MARCHF6: variants seen among roughly 807,000 people sequenced by gnomAD.
MARCHF6 encodes membrane associated ring-CH-type finger 6, also known as E3 ubiquitin-protein ligase MARCHF6.
MARCHF6 carries 31 observed loss-of-function variants against 133.7 expected under a neutral mutation model. That is an observed-to-expected ratio of 0.23 (90% CI 0.17 to 0.31). The LOEUF (loss-of-function observed/expected upper bound fraction) is 0.31, where lower values mean the gene tolerates loss of function less well. Among genes scored for constraint, MARCHF6 ranks in the 10% least tolerant of loss-of-function variants. The pLI is 1.00. For missense variants in MARCHF6, 723 were observed against 1,121.6 expected, an observed-to-expected ratio of 0.64 and a Z score of 5.08; for synonymous variants, 395 against 402.5, an observed-to-expected ratio of 0.98 and a Z score of 0.22.
intron 1 of MARCHF6, among the ~76,000 whole-genome samples, chr5:10,360,518 A>G (rs1035572820): frequency 7.9e-5 from 12 of 152,182 alleles, no homozygotes; most frequent in Admixed American, 5.9e-4. Flanking sequence ...AAGGATGTGC[A>G]TAGGTTACTT....
At chr5:10,378,656 A>G in intron 2 of MARCHF6, 103 bp from the exon 3 acceptor site, 1 of 706,004 alleles carries the variant, frequency 1.4e-6, no homozygotes. Context: ...TGAAACTAAA[A>G]GCTCTGTGAT....
intron 1 of MARCHF6, among the ~76,000 whole-genome samples, chr5:10,366,636 C>T (rs1232794542): frequency 6.6e-6 from 1 of 152,194 alleles, no homozygotes; most frequent in Non-Finnish European, 1.5e-5. Flanking sequence ...AAAAAGAGGG[C>T]TCCCTGCTTC....
At chr5:10,361,850 G>A (rs143642522) in intron 1 of MARCHF6, among the ~76,000 whole-genome samples, 1,837 of 151,802 alleles carry the variant, frequency 0.012, 29 homozygotes, top group South Asian at 0.072. Context: ...GGCAACCTCC[G>A]CCTCCTGGAT....
intron 9 of MARCHF6, among the ~76,000 whole-genome samples, chr5:10,396,978 A>AT (rs1230119264): frequency 6.6e-6 from 1 of 152,204 alleles, no homozygotes; most frequent in African/African-American, 2.4e-5. Context: ...GTGTCATTTG[A>AT]TTTAAATGAA....
At chr5:10,425,843 T>G (rs576743339) in intron 23 of MARCHF6, among the ~76,000 whole-genome samples, 9 of 152,348 alleles carry the variant, frequency 5.9e-5, no homozygotes, top group African/African-American at 2.2e-4. Context: ...GATGGAAATA[T>G]TCTAGTAATT....
At chr5:10,381,739 T>A in intron 3 of MARCHF6, 61 bp from the exon 4 acceptor site, 1 of 1,301,778 alleles carries the variant, frequency 7.7e-7, no homozygotes, top group South Asian at 1.4e-5. Context: ...TATTTTATAT[T>A]TATGAATTAA....
chr5:10,407,904 C>T (rs542652807), intron 17 of MARCHF6, among the ~76,000 whole-genome samples: 9 of 151,248 alleles, frequency 6.0e-5, no homozygotes, highest in East Asian at 1.9e-4. Context: ...TGCGGTGAGC[C>T]GAGATCGTGC....
At chr5:10,430,080 TTATG>T (rs769499942) in intron 25 of MARCHF6, 52 bp downstream of exon 25, 13 of 1,562,198 alleles carry the variant, frequency 8.3e-6, no homozygotes, top group East Asian at 2.3e-5. Context: ...ACTTCTTAAT[TTATG>T]TATCTGATGT....
Position 10,377,783 on chromosome 5 carries a change from C to T in MARCHF6, c.20-15C>T, listed in dbSNP as rs1420026021. On this transcript the variant is annotated splice_polypyrimidine_tract_variant and intron_variant, in intron 1 of 25. Transcript: ENST00000274140. Reference sequence around the variant, plus strand: ...TATAACCAAAGGAAATTCAATTTTCCTTTTTCATTGGCAGACATATGTAGA... The same window carrying T: ...TATAACCAAAGGAAATTCAATTTTCTTTTTTCATTGGCAGACATATGTAGA... 1 of 1,582,134 alleles carries T rather than the reference C, an allele frequency of 6.3e-7. No homozygotes were observed. Among genetic ancestry groups the T allele is most frequent in the Non-Finnish European group, 8.7e-7 (1 of 1,152,834 alleles).
chr5:10,403,524 A>T lies in MARCHF6; in HGVS notation c.1315A>T (p.Ile439Phe). The change falls in exon 15 of 26, where the codon ATT (isoleucine) becomes TTT (phenylalanine). Residue 439 changes from isoleucine to phenylalanine, a missense_variant. Ile to Phe is a conservative substitution (Grantham distance 21). Around this residue, in one of 4 missense-constraint regions of MARCHF6, gnomAD observed 492 missense variants for 699.5 expected, o/e 0.70. Transcript: ENST00000274140. Reference sequence around the variant, plus strand: ...ATATGTCTTCTACTTTGCCTCCTTCATTCTACTACTGAGAGAGGTAAGTCC... The same window carrying T: ...ATATGTCTTCTACTTTGCCTCCTTCTTTCTACTACTGAGAGAGGTAAGTCC... ...MVYVFYFASF[I>F]LLLREVLRPG... The T allele has an allele frequency of 1.2e-6, 2 of 1,612,866 alleles. No individual in the cohort carries two copies. The highest frequency in any genetic ancestry group is 1.7e-6 in the Non-Finnish European group (2 of 1,179,550).
intron 22 of MARCHF6, among the ~76,000 whole-genome samples, chr5:10,421,428 G>T (rs981189687): frequency 6.6e-6 from 1 of 152,202 alleles, no homozygotes; most frequent in African/African-American, 2.4e-5. Context: ...AATGTGCAGC[G>T]TGCTATCCTT....
At chr5:10,390,747 A>G (rs1370492508) in intron 6 of MARCHF6, among the ~76,000 whole-genome samples, 1 of 152,240 alleles carries the variant, frequency 6.6e-6, no homozygotes, top group Non-Finnish European at 1.5e-5. Context: ...ACTGAAGTCC[A>G]TGTACACAGT....
rs147099943 is a variant in MARCHF6 at position 10,382,371 on chromosome 5, G to T, written c.334+428G>T. 6.0e-3 allele frequency among the ~76,000 whole-genome samples: 911 copies of T among 151,362 alleles called. 13 individuals carry two copies. Among genetic ancestry groups the T allele is most frequent in the African/African-American group, 0.021 (849 of 41,158 alleles). ...TAGCCTGGCCAACATGGAGACTGAGGCAGGAGAATTGCTTAAACCCAGGAG... is the reference window on the plus strand; with the variant it reads ...TAGCCTGGCCAACATGGAGACTGAGTCAGGAGAATTGCTTAAACCCAGGAG... On this transcript the variant is annotated intron_variant, in intron 4 of 25. Transcript: ENST00000274140.
At chr5:10,406,116 G>T (rs920124625) in intron 16 of MARCHF6, among the ~76,000 whole-genome samples, 4 of 152,172 alleles carry the variant, frequency 2.6e-5, no homozygotes, top group African/African-American at 9.7e-5. Flanking sequence ...CAGATTGTGT[G>T]CTCATTATGA....
chr5:10,372,365 T>G, intron 1 of MARCHF6, among the ~76,000 whole-genome samples: 1 of 152,216 alleles, frequency 6.6e-6, no homozygotes, highest in East Asian at 1.9e-4. Context: ...AAATATGTTT[T>G]GATTTAAAAG....
In MARCHF6 at chr5:10,435,673, A is replaced by T. The variant is rs557550547; in HGVS notation, c.*1989A>T. 2 of 6,018 alleles carry T rather than the reference A, an allele frequency of 3.3e-4. No homozygotes were observed. The highest frequency in any genetic ancestry group is 1.2e-3 in the African/African-American group (1 of 828). 0.4% of individuals were successfully genotyped at this position (6,018 alleles called of 1,614,324 possible). On this transcript the variant is annotated 3_prime_UTR_variant, in exon 26 of 26. Coordinates refer to ENST00000274140, the MANE Select transcript of MARCHF6 (RefSeq NM_005885.4). ...TATATATATATATATATATATATAT[A>T]TATATATATATATATATATATATAT...
chr5:10,379,554 G>A (rs1158650649), intron 3 of MARCHF6, among the ~76,000 whole-genome samples: 2 of 151,790 alleles, frequency 1.3e-5, no homozygotes, highest in African/African-American at 2.4e-5. Flanking sequence ...TCCGCCTCCC[G>A]GGTTCACGCC....
Position 10,390,439 on chromosome 5 carries a change from C to T in MARCHF6, c.515C>T (p.Ala172Val), listed in dbSNP as rs767118416. The change falls in exon 6 of 26, where the codon GCA becomes GTA. Residue 172 changes from alanine (A) to valine (V), a missense_variant. Physicochemically the swap from Ala to Val is moderately conservative, Grantham distance 64 (BLOSUM62 0). Coordinates refer to ENST00000274140, the MANE Select transcript of MARCHF6 (RefSeq NM_005885.4). ...WLREQIVHGG[A>V]PIWLEHAAPP... Reference sequence around the variant, plus strand: ...AGAGAGCAGATAGTCCATGGGGGAGCACCAATTTGGTTGGAGCATGCTGCC... The same window carrying T: ...AGAGAGCAGATAGTCCATGGGGGAGTACCAATTTGGTTGGAGCATGCTGCC... 1.2e-5 allele frequency: 19 copies of T among 1,613,870 alleles called. No individual in the cohort carries two copies. The highest frequency in any genetic ancestry group is 1.5e-5 in the Non-Finnish European group (18 of 1,179,998).
intron 4 of MARCHF6, among the ~76,000 whole-genome samples, chr5:10,382,694 G>T (rs182033954): frequency 6.6e-6 from 1 of 151,798 alleles, no homozygotes; most frequent in Non-Finnish European, 1.5e-5. Context: ...GGGTGTGGTG[G>T]TGTGTGCCTG....
Sources: allele counts gnomAD v4.1 joint callset (sites outside exome capture counted in the v4.1 genomes callset), GRCh38; gene constraint gnomAD v4.1.1; regional missense constraint gnomAD v4.1.1; transcripts MANE v1.5; gene names NCBI Gene and HGNC (gene_info 2026-07-23, HGNC 2026-07-21).